Variants in POLN observed in about 807,000 individuals in gnomAD.
The protein encoded by POLN is DNA polymerase nu, also known as DNA polymerase N.
POLN carries 108 observed loss-of-function variants against 113.5 expected under a neutral mutation model. The observed-to-expected ratio is 0.95, with a 90% confidence interval of 0.81 to 1.12. POLN has a LOEUF of 1.12. Among genes scored for constraint, POLN ranks in the 50% most tolerant of loss-of-function variants. POLN has a pLI of 0.00. For missense variants in POLN, 1,097 were observed against 1,077.1 expected, an observed-to-expected ratio of 1.02 and a Z score of -0.26; for synonymous variants, 386 against 391.5, an observed-to-expected ratio of 0.99 and a Z score of 0.17.
chr4:2,143,670 G>T (rs904155846), intron 16 of POLN, among the ~76,000 whole-genome samples: 10 of 152,136 alleles, frequency 6.6e-5, no homozygotes, highest in Non-Finnish European at 1.3e-4. Flanking sequence ...ACAAGAGGAA[G>T]GAACACTTCC....
intron 15 of POLN, among the ~76,000 whole-genome samples, chr4:2,157,361 A>T (rs1732460737): frequency 6.6e-6 from 1 of 152,206 alleles, no homozygotes; most frequent in Admixed American, 6.5e-5. Context: ...GAGGGTTTCA[A>T]GGCATAACAT....
intron 7 of POLN, among the ~76,000 whole-genome samples, chr4:2,187,500 T>A (rs1733309810): frequency 1.3e-5 from 2 of 152,112 alleles, no homozygotes; most frequent in Admixed American, 1.3e-4. Context: ...CGCCTCAGTC[T>A]CCCAAAGTGC....
chr4:2,126,446 T>C lies in POLN; in HGVS notation c.1982+1667A>G, dbSNP rs1043872230. Among the ~76,000 whole-genome samples the C allele has an allele frequency of 2.0e-5, 3 of 152,214 alleles. No homozygotes were observed. Among genetic ancestry groups the C allele is most frequent in the African/African-American group, 4.8e-5 (2 of 41,444 alleles). The stretch of plus-strand genomic sequence containing the variant: ...CAAATCCTTTGTGAGTCCCCACCCT[T>C]TGTGGAGCACAGTAGGGACGAGGGT... On this transcript the variant is annotated intron_variant, in intron 19 of 25. Transcript: ENST00000511885. The surrounding 1 kb of genome is among the most constrained non-coding windows in gnomAD (Gnocchi z 4.6).
intron 13 of POLN, among the ~76,000 whole-genome samples, chr4:2,170,141 T>A (rs1732823427): frequency 6.6e-6 from 1 of 152,204 alleles, no homozygotes; most frequent in Non-Finnish European, 1.5e-5. Flanking sequence ...GTAACCAATA[T>A]TCACAATAAC....
chr4:2,156,128 G>A (rs1732417819), intron 16 of POLN, among the ~76,000 whole-genome samples: 2 of 152,094 alleles, frequency 1.3e-5, no homozygotes, highest in South Asian at 4.1e-4. Flanking sequence ...CACCGCGCCT[G>A]GCCTAAAAAA....
At chr4:2,204,647 C>G (rs2108762458) in intron 5 of POLN, among the ~76,000 whole-genome samples, 1 of 152,282 alleles carries the variant, frequency 6.6e-6, no homozygotes, top group South Asian at 2.1e-4. Context: ...AAAGAGAAAA[C>G]TACAGACCAA....
At chr4:2,080,656 G>A in intron 23 of POLN, 1 of 1,303,310 alleles carries the variant, frequency 7.7e-7, no homozygotes, top group East Asian at 3.5e-5. Context: ...CCTGCCTCTG[G>A]GGTGGGCAGC....
intron 4 of POLN, among the ~76,000 whole-genome samples, chr4:2,211,842 T>C (rs192811532): frequency 6.6e-6 from 1 of 152,124 alleles, no homozygotes; most frequent in East Asian, 1.9e-4. Flanking sequence ...AACAACAAAA[T>C]TCTTTTGAGA....
At chr4:2,129,158 A>C in intron 18 of POLN, 21 bp downstream of exon 18, 1 of 1,541,374 alleles carries the variant, frequency 6.5e-7, no homozygotes, top group Non-Finnish European at 9.0e-7. Context: ...AAAATGCATA[A>C]AGCAAGCTAC....
At chr4:2,121,814 A>G (rs1487041891) in intron 19 of POLN, among the ~76,000 whole-genome samples, 1 of 150,180 alleles carries the variant, frequency 6.7e-6, no homozygotes, top group Admixed American at 6.6e-5. Context: ...AATTTCCTCT[A>G]TTGTTTTCCT....
At chr4:2,122,977 A>C (rs1242982895) in intron 19 of POLN, among the ~76,000 whole-genome samples, 1 of 151,668 alleles carries the variant, frequency 6.6e-6, no homozygotes, top group African/African-American at 2.4e-5. Flanking sequence ...ACATAGGAAG[A>C]CAGAGCCTCT....
chr4:2,130,442 T>C (rs1011300805), intron 17 of POLN, among the ~76,000 whole-genome samples: 1 of 152,192 alleles, frequency 6.6e-6, no homozygotes, highest in East Asian at 1.9e-4. Context: ...GTACAGGGCA[T>C]GGGCAGCAGA....
intron 20 of POLN, among the ~76,000 whole-genome samples, chr4:2,095,334 C>T (rs1315028130): frequency 1.3e-5 from 2 of 152,186 alleles, no homozygotes; most frequent in African/African-American, 2.4e-5. Flanking sequence ...CTCCTATCTG[C>T]TACCCCTGAG....
At chr4:2,149,801 G>A (rs1403253716) in intron 16 of POLN, among the ~76,000 whole-genome samples, 2 of 150,740 alleles carry the variant, frequency 1.3e-5, no homozygotes, top group African/African-American at 4.9e-5. Flanking sequence ...GAGAGAGAGA[G>A]GGCCGGGCGC....
rs148205913 is a variant in POLN, at chr4:2,208,331, G to A, written c.370C>T (p.Gln124Ter). 6.2e-7 allele frequency: 1 copy of A among 1,612,512 alleles called. No homozygotes were observed. Among genetic ancestry groups the A allele is most frequent in the Non-Finnish European group, 8.5e-7 (1 of 1,179,482 alleles). Residue 124 changes from glutamine to a stop codon, truncating the protein, a stop_gained, in exon 5 of 26, where the codon CAA (glutamine) becomes TAA (stop). Transcript: ENST00000511885. LOFTEE classifies it high-confidence loss of function. ...LSSCLIPQYNQEASVLQKKGH... is the reference protein window; with the variant it reads ...LSSCLIPQYN The stretch of plus-strand genomic sequence containing the variant: ...TTTTTCTGTAGAACTGAAGCCTCTT[G>A]ATTATACTGTGGAATTAAACAACTT...
chr4:2,139,133 G>A (rs911796997), intron 16 of POLN, among the ~76,000 whole-genome samples: 1 of 152,190 alleles, frequency 6.6e-6, no homozygotes, highest in African/African-American at 2.4e-5. Context: ...AAGGGGACAA[G>A]CCGCAGGGTC....
At chr4:2,096,954 C>G (rs898560644) in intron 19 of POLN, among the ~76,000 whole-genome samples, 3 of 152,206 alleles carry the variant, frequency 2.0e-5, no homozygotes, top group Non-Finnish European at 2.9e-5. Context: ...ATGGTGCTTT[C>G]TACATTTCCC....
At chr4:2,155,424 A>G (rs917342720) in intron 16 of POLN, among the ~76,000 whole-genome samples, 1 of 152,332 alleles carries the variant, frequency 6.6e-6, no homozygotes, top group African/African-American at 2.4e-5. Flanking sequence ...CCAAGAGGCC[A>G]CACGATTAGC....
intron 19 of POLN, among the ~76,000 whole-genome samples, chr4:2,112,597 AAAG>A: frequency 6.6e-6 from 1 of 152,358 alleles, no homozygotes; most frequent in East Asian, 1.9e-4. Flanking sequence ...ACACTTCTCA[AAAG>A]AAGACATTTA....
Sources: allele counts gnomAD v4.1 joint callset (sites outside exome capture counted in the v4.1 genomes callset), GRCh38; gene constraint gnomAD v4.1.1; non-coding constraint Gnocchi (gnomAD v3.1); transcripts MANE v1.5; gene names NCBI Gene and HGNC (gene_info 2026-07-23, HGNC 2026-07-21).